Variants in FOCAD observed in about 807,000 individuals in gnomAD.
The protein encoded by FOCAD is KIAA1797.
Under a neutral mutation model 225.6 loss-of-function variants are expected in FOCAD, and 198 were observed. The ratio of observed to expected loss-of-function variants is 0.88; its 90% CI spans 0.78 to 0.99. FOCAD has a LOEUF of 0.99. Ranked by LOEUF, FOCAD falls within the 50% of genes least tolerant of loss-of-function variation. The pLI is 0.00. For missense variants in FOCAD, 2,713 were observed against 2,123.6 expected (o/e 1.28, Z -5.46); for synonymous variants, 897 against 755.0 (o/e 1.19, Z -3.08).
chr9:20,758,253 G>T, intron 6 of FOCAD, 62 bp downstream of exon 6: 1 of 1,197,008 alleles, frequency 8.4e-7, no homozygotes. Context: ...GCTAATTTTA[G>T]AGCTAGGGTT....
upstream of FOCAD, among the ~76,000 whole-genome samples, chr9:20,658,113 C>G (rs569784883): frequency 2.0e-5 from 3 of 150,532 alleles, no homozygotes; most frequent in Non-Finnish European, 1.5e-5. Context: ...CAGGGACCCA[C>G]TTGAGGAGGC....
intron 19 of FOCAD, among the ~76,000 whole-genome samples, chr9:20,878,861 G>A (rs1445251578): frequency 6.6e-6 from 1 of 152,110 alleles, no homozygotes; most frequent in Non-Finnish European, 1.5e-5. Flanking sequence ...AGGACCCAGG[G>A]GGCTGCTGGT....
chr9:20,861,109 A>G (rs898664997), intron 15 of FOCAD, among the ~76,000 whole-genome samples: 1 of 152,030 alleles, frequency 6.6e-6, no homozygotes, highest in Non-Finnish European at 1.5e-5. Context: ...ACTCCTACCC[A>G]TTGACTTATT....
chr9:20,661,970 G>GA (rs568173302), intron 2 of FOCAD, among the ~76,000 whole-genome samples: 20 of 152,064 alleles, frequency 1.3e-4, no homozygotes, highest in East Asian at 5.8e-4. Flanking sequence ...AAGATTAAGT[G>GA]AAAAAAAGGC....
intron 5 of FOCAD, among the ~76,000 whole-genome samples, chr9:20,755,160 G>A (rs1828935940): frequency 6.6e-6 from 1 of 152,114 alleles, no homozygotes; most frequent in African/African-American, 2.4e-5. Context: ...TCAATACTGT[G>A]TATCATCACC....
chr9:20,676,333 C>G (rs950055781), intron 2 of FOCAD, among the ~76,000 whole-genome samples: 1 of 152,098 alleles, frequency 6.6e-6, no homozygotes, highest in Non-Finnish European at 1.5e-5. Flanking sequence ...GGCTTAGCAG[C>G]GGTAAAGTTT....
At chr9:20,684,999 T>G (rs1453701329) in intron 1 of FOCAD, among the ~76,000 whole-genome samples, 1 of 152,236 alleles carries the variant, frequency 6.6e-6, no homozygotes, top group East Asian at 1.9e-4. Context: ...CGTCCTGATA[T>G]CTCAGTGTGG....
In FOCAD at chr9:20,976,557, C is replaced by T. The variant is rs758159364; in HGVS notation, c.4261+9C>T. 2.4e-5 allele frequency: 38 copies of T among 1,611,758 alleles called. No individual in the cohort carries two copies. In the South Asian group the frequency reaches 4.0e-4, roughly 17 times the overall value. On this transcript the variant is annotated intron_variant, in intron 36 of 43. Transcript: ENST00000338382. ...TATGAGGCTAAATTTTGGTAAATAT[C>T]ATGTGTTTTTAAGTCTTCAGACTTT...
chr9:20,918,724 A>C (rs370591717), intron 24 of FOCAD, among the ~76,000 whole-genome samples: 1 of 54,860 alleles, frequency 1.8e-5, no homozygotes, highest in Non-Finnish European at 4.4e-5. Context: ...ACTCCGTCTC[A>C]AAAAAAAAAA....
At chr9:20,859,367 G>A (rs1184426940) in intron 15 of FOCAD, among the ~76,000 whole-genome samples, 2 of 148,646 alleles carry the variant, frequency 1.3e-5, no homozygotes, top group Non-Finnish European at 3.0e-5. Flanking sequence ...GGCAACAAGA[G>A]TGAAACTCCA....
rs1840693831 is a variant in FOCAD, at chr9:20,981,481, C to G, written c.4433C>G (p.Ser1478Cys). ...GCACCTCTGTGGATAAAACACATCT[C>G]TGATGAACAGATCCTGGGTTTTGTT... ...ISAPLWIKHI[S>C]DEQILGFVEN... is the part of the protein sequence containing the mutation. Residue 1478 changes from serine (S) to cysteine (C), a missense_variant, in exon 38 of 44, where the codon TCT becomes TGT. By Grantham distance (112) the Ser-to-Cys change is moderately radical (BLOSUM62 -1). Coordinates refer to ENST00000338382, the MANE Select transcript of FOCAD (RefSeq NM_001375567.1). The G allele has an allele frequency of 6.2e-7, 1 of 1,614,136 alleles. No homozygotes were observed. The highest frequency in any genetic ancestry group is 8.5e-7 in the Non-Finnish European group (1 of 1,179,992).
chr9:20,843,497 A>C (rs1826762757), intron 15 of FOCAD, among the ~76,000 whole-genome samples: 1 of 151,840 alleles, frequency 6.6e-6, no homozygotes, highest in South Asian at 2.1e-4. Context: ...TTTATATGTT[A>C]TTTGTTTCTT....
At chr9:20,731,240 AAACAAC>A (rs146322610) in intron 4 of FOCAD, among the ~76,000 whole-genome samples, 38,121 of 150,200 alleles carry the variant, frequency 0.25, 5,349 homozygotes, top group Non-Finnish European at 0.32. Flanking sequence ...TTTGTCTCCA[AAACAAC>A]AACAACAACA....
At chr9:20,700,089 A>C (rs1244669013) in intron 1 of FOCAD, among the ~76,000 whole-genome samples, 2 of 151,904 alleles carry the variant, frequency 1.3e-5, no homozygotes, top group Non-Finnish European at 2.9e-5. Flanking sequence ...CCTATAAGTA[A>C]AAACAGCCAT....
intron 21 of FOCAD, among the ~76,000 whole-genome samples, chr9:20,888,685 C>A (rs1056451708): frequency 1.3e-5 from 2 of 152,088 alleles, no homozygotes; most frequent in Non-Finnish European, 2.9e-5. Flanking sequence ...GCGGTAGGAA[C>A]CCAGTGGGAG....
At chr9:20,729,590 T>C (rs951158073) in intron 4 of FOCAD, among the ~76,000 whole-genome samples, 1 of 152,194 alleles carries the variant, frequency 6.6e-6, no homozygotes, top group African/African-American at 2.4e-5. Flanking sequence ...TGTGTCTTGA[T>C]TGTGTGAGCA....
chr9:20,889,906 T>G (rs1445747834), intron 21 of FOCAD, among the ~76,000 whole-genome samples: 2 of 152,148 alleles, frequency 1.3e-5, no homozygotes, highest in Admixed American at 1.3e-4. Flanking sequence ...TTTTGTATTA[T>G]AAATCTTGGA....
intron 8 of FOCAD, among the ~76,000 whole-genome samples, chr9:20,770,785 A>G (rs1165540993): frequency 1.3e-5 from 2 of 152,216 alleles, no homozygotes; most frequent in South Asian, 2.1e-4. Context: ...GCATATTGCT[A>G]TTGCACTACT....
chr9:20,942,732 G>T (rs1023845723), intron 28 of FOCAD, among the ~76,000 whole-genome samples: 2 of 151,990 alleles, frequency 1.3e-5, no homozygotes, highest in Non-Finnish European at 2.9e-5. Flanking sequence ...ACTGTGGTAG[G>T]GAAAAAAACA....
Sources: allele counts gnomAD v4.1 joint callset (sites outside exome capture counted in the v4.1 genomes callset), GRCh38; gene constraint gnomAD v4.1.1; transcripts MANE v1.5; gene names NCBI Gene and HGNC (gene_info 2026-07-23, HGNC 2026-07-21).